Variants in ASB15 observed in about 807,000 individuals in gnomAD.
The protein encoded by ASB15 is ankyrin repeat and SOCS box containing 15.
In ASB15, 54 loss-of-function variants were observed where a neutral mutation model predicts 58.0. The observed-to-expected ratio is 0.93, with a 90% CI of 0.75 to 1.17. ASB15 has a LOEUF of 1.17. ASB15 is among the 50% of genes most tolerant of loss of function. The pLI, the probability that ASB15 is intolerant of heterozygous loss-of-function variation, is 0.00. For synonymous variants in ASB15, 249 were observed against 262.4 expected (o/e 0.95, Z 0.50); for missense variants, 680 against 707.4 (o/e 0.96, Z 0.44).
At chr7:123,582,099 G>A (rs1799249603) in intron 1 of ASB15, among the ~76,000 whole-genome samples, 1 of 151,890 alleles carries the variant, frequency 6.6e-6, no homozygotes, top group Non-Finnish European at 1.5e-5. Context: ...ACAAGGAAAG[G>A]GAGGAGAAAT....
chr7:123,634,934 G>A (rs1209917262), intron 11 of ASB15, among the ~76,000 whole-genome samples: 2 of 152,142 alleles, frequency 1.3e-5, no homozygotes, highest in Admixed American at 1.3e-4. Flanking sequence ...AAGAAGTAGA[G>A]GAGACAGTGG....
Position 123,617,599 on chromosome 7 carries a change from G to C in ASB15, c.313G>C (p.Glu105Gln). Residue 105 changes from glutamate (E) to glutamine (Q), a missense_variant, in exon 7 of 12, where the codon GAA becomes CAA. By Grantham distance (29) the Glu-to-Gln change is conservative. Coordinates refer to ENST00000451215, the MANE Select transcript of ASB15 (RefSeq NM_001290258.2). ...CACAGCATCCTATAAGACACTCTGG[G>C]AATTCAAGACCTGTGATGGAGAAAC... is the stretch of plus-strand genomic sequence containing the variant. Reference protein sequence around the residue: ...VLDASYKTLWEFKTCDGETPL... With the variant: ...VLDASYKTLWQFKTCDGETPL... 1 of 1,611,484 alleles carries C rather than the reference G, an allele frequency of 6.2e-7. No individual in the cohort carries two copies. The highest frequency in any genetic ancestry group is 8.5e-7 in the Non-Finnish European group (1 of 1,177,740).
chr7:123,616,194 T>C (rs1263806510), intron 4 of ASB15, 27 bp from the exon 5 acceptor site: 7 of 1,526,228 alleles, frequency 4.6e-6, no homozygotes, highest in Non-Finnish European at 6.4e-6. Context: ...GTATCTAGTA[T>C]AAATATTATT....
intron 3 of ASB15, 149 bp from the exon 4 acceptor site, chr7:123,614,352 A>G: frequency 1.7e-6 from 1 of 596,144 alleles, no homozygotes; most frequent in Admixed American, 3.3e-5. Context: ...AGTAATGTGG[A>G]TTAAAATGTT....
At chr7:123,606,423 G>A (rs1029414951) in intron 2 of ASB15, among the ~76,000 whole-genome samples, 3 of 152,136 alleles carry the variant, frequency 2.0e-5, no homozygotes, top group African/African-American at 7.2e-5. Flanking sequence ...TCCTGAGAGG[G>A]CTTTGTAAGC....
intron 1 of ASB15, among the ~76,000 whole-genome samples, chr7:123,589,492 C>T (rs1799471869): frequency 6.6e-6 from 1 of 151,896 alleles, no homozygotes; most frequent in South Asian, 2.1e-4. Flanking sequence ...CTCAACAGCC[C>T]CTGGTGTGTG....
upstream of ASB15, among the ~76,000 whole-genome samples, chr7:123,600,359 G>A (rs112252072): frequency 2.6e-5 from 4 of 151,954 alleles, no homozygotes; most frequent in East Asian, 5.8e-4. Flanking sequence ...TTATATAAAC[G>A]GATAAAACAG....
intron 11 of ASB15, among the ~76,000 whole-genome samples, chr7:123,633,037 A>G (rs1802205880): frequency 6.6e-6 from 1 of 152,228 alleles, no homozygotes; most frequent in Non-Finnish European, 1.5e-5. Flanking sequence ...CAATGTAGGC[A>G]AACTGTTGTC....
chr7:123,571,589 CAA>C (rs896854422), intron 1 of ASB15, among the ~76,000 whole-genome samples: 6 of 152,094 alleles, frequency 3.9e-5, no homozygotes, highest in African/African-American at 1.4e-4. Flanking sequence ...TTCAATTCCC[CAA>C]AAGAGAAGCA....
In ASB15 at chr7:123,637,488, A is replaced by G. The variant is rs568134202; in HGVS notation, c.*507A>G. On this transcript the variant is annotated 3_prime_UTR_variant, in exon 12 of 12. Coordinates refer to ENST00000451215, the MANE Select transcript of ASB15 (RefSeq NM_001290258.2). ...TCAGTCCCTCTTCCAATCGATTCCT[A>G]CAGCATCTAACATTGTTGCCTGTTC... 2.6e-5 allele frequency: 4 copies of G among 153,100 alleles called. No homozygotes were observed. The East Asian group carries it at 7.8e-4, about 30-fold the overall frequency. The allele number at this position is 153,100 out of a possible 1,614,324, so 9.5% of individuals were successfully genotyped here.
chr7:123,588,999 G>A (rs1271992292), intron 1 of ASB15, among the ~76,000 whole-genome samples: 1 of 151,586 alleles, frequency 6.6e-6, no homozygotes, highest in African/African-American at 2.4e-5. Context: ...ATCTATCCTG[G>A]AGAATATTCT....
In ASB15 at chr7:123,637,899, A is replaced by AAAAAAAAAAAAAAAAAAAAAAAAAAAAC; in HGVS notation, c.*919_*920insAAAAAAAAAAAAAAAAAAAAAAAAAACA. On this transcript the variant is annotated 3_prime_UTR_variant, in exon 12 of 12. Transcript: ENST00000451215. ...GAACTAAAAAAAAAAAAAAAAAAAA[A>AAAAAAAAAAAAAAAAAAAAAAAAAAAAC]ACCTCTTTCCCGAGCTCAGTAGTTA... 1 of 150,008 alleles carries AAAAAAAAAAAAAAAAAAAAAAAAAAAAC rather than the reference A, an allele frequency of 6.7e-6. No homozygotes were observed. Among genetic ancestry groups the AAAAAAAAAAAAAAAAAAAAAAAAAAAAC allele is most frequent in the Non-Finnish European group, 1.5e-5 (1 of 67,872 alleles). 9.3% of individuals were successfully genotyped at this position (150,008 alleles called of 1,614,324 possible).
Position 123,611,082 on chromosome 7 carries a change from CAAAAAAAAAAAA to C in ASB15, c.-3+2439_-3+2450del, listed in dbSNP as rs34527165. 4.3e-4 allele frequency among the ~76,000 whole-genome samples: 35 copies of C among 81,846 alleles called. No homozygotes were observed. The South Asian group carries it at 0.015, about 35-fold the overall frequency. The allele number at this position is 81,846 out of a possible 152,430, so 53.7% of individuals were successfully genotyped here. ...TGGGCAAAAGAGCAAAACTCCATCTCAAAAAAAAAAAAAAAAAAAAAAGAAAAGAAAAATCAA... is the reference window on the plus strand; with the variant it reads ...TGGGCAAAAGAGCAAAACTCCATCTCAAAAAAAAAAGAAAAGAAAAATCAA... On this transcript the variant is annotated intron_variant, in intron 3 of 11. Transcript: ENST00000451215.
At chr7:123,593,668 T>C (rs1799611291) in intron 1 of ASB15, among the ~76,000 whole-genome samples, 1 of 152,202 alleles carries the variant, frequency 6.6e-6, no homozygotes, top group Non-Finnish European at 1.5e-5. Context: ...GATGGGCTTC[T>C]CTTTGTGGGT....
At chr7:123,583,351 G>A (rs1000037413) in intron 1 of ASB15, among the ~76,000 whole-genome samples, 6 of 151,940 alleles carry the variant, frequency 3.9e-5, no homozygotes, top group African/African-American at 1.4e-4. Context: ...CATGGGAAGT[G>A]GGAACTAACG....
intron 3 of ASB15, chr7:123,612,454 A>T (rs1800520143): frequency 1.3e-5 from 2 of 152,238 alleles, no homozygotes; most frequent in Non-Finnish European, 2.9e-5. Context: ...AAACCCAGAC[A>T]TTGGAAAAAT....
upstream of ASB15, among the ~76,000 whole-genome samples, chr7:123,600,228 C>T (rs1562919055): frequency 6.6e-6 from 1 of 152,148 alleles, no homozygotes. Context: ...GACGTGTTCA[C>T]AGGACTATGT....
chr7:123,594,452 G>T (rs971431366), intron 1 of ASB15, among the ~76,000 whole-genome samples: 5 of 152,094 alleles, frequency 3.3e-5, no homozygotes, highest in African/African-American at 1.2e-4. Context: ...GGTGACCTAC[G>T]TATGGGGTTT....
upstream of ASB15, among the ~76,000 whole-genome samples, chr7:123,600,957 G>A (rs145699410): frequency 1.3e-5 from 2 of 152,114 alleles, no homozygotes; most frequent in African/African-American, 4.8e-5. Flanking sequence ...TCCAATGAGG[G>A]TTTGTAAAAT....
Sources: gnomAD v4.1 joint callset for allele counts (sites outside exome capture counted in the v4.1 genomes callset) on GRCh38, gnomAD v4.1.1 for gene constraint, MANE v1.5 for transcripts, NCBI Gene and HGNC (gene_info 2026-07-23, HGNC 2026-07-21) for gene names.